Variants in TAS1R1 observed in about 807,000 individuals in gnomAD.
TAS1R1 encodes the protein taste 1 receptor member 1, also known as taste receptor type 1 member 1.
A neutral mutation model predicts 45.8 loss-of-function variants in TAS1R1; 31 were observed. The observed-to-expected ratio is 0.68, with a 90% CI of 0.51 to 0.91. The LOEUF (loss-of-function observed/expected upper bound fraction) is 0.91, where lower values mean the gene tolerates loss of function less well. TAS1R1 is among the 40% of genes least tolerant of loss of function. The pLI is 0.00. For synonymous variants in TAS1R1, 437 were observed against 448.4 expected, an observed-to-expected ratio of 0.97 and a Z score of 0.32; for missense variants, 1,051 against 1,063.9, an observed-to-expected ratio of 0.99 and a Z score of 0.17.
chr1:6,568,421 C>G (rs112013049), intron 1 of TAS1R1, among the ~76,000 whole-genome samples: 2,933 of 150,578 alleles, frequency 0.019, 35 homozygotes, highest in Non-Finnish European at 0.031. Flanking sequence ...CGCCACTGCA[C>G]TCCAGCCTGG....
At position 6,561,153 on chromosome 1, in the gene TAS1R1, T is replaced by C. The variant is rs561958273; in HGVS notation, c.191+5589T>C. On this transcript the variant is annotated intron_variant, in intron 1 of 5. Transcript: ENST00000333172. ...GATGTAGGAGGCAAGGGCCAAATGC[T>C]AAAAGGAGAAAATGGGTTATGGCAG... 2.0e-5 allele frequency among the ~76,000 whole-genome samples: 3 copies of C among 152,108 alleles called. No individual in the cohort carries two copies. The South Asian group carries it at 6.2e-4, about 32-fold the overall frequency.
intron 1 of TAS1R1, among the ~76,000 whole-genome samples, chr1:6,560,390 A>G (rs10157515): frequency 0.98 from 148,731 of 152,332 alleles, 72,702 homozygotes; most frequent in Non-Finnish European, 1. Context: ...AGAGGAGGCA[A>G]CAGCCCAGGC....
In TAS1R1 at chr1:6,555,866, C is replaced by CCTTTTTTT. The variant is rs1553185410; in HGVS notation, c.191+302_191+303insCTTTTTTT. Reference sequence around the variant, plus strand: ...AAGCAAGGGCAGCTTTTTCCCTCTTCTTTTTTTTTTTTTTTTTTTTTTTGA... The same window carrying CCTTTTTTT: ...AAGCAAGGGCAGCTTTTTCCCTCTTCCTTTTTTTTTTTTTTTTTTTTTTTTTTTTTTGA... On this transcript the variant is annotated intron_variant, in intron 1 of 5. Transcript: ENST00000333172. Among the ~76,000 whole-genome samples the CCTTTTTTT allele has an allele frequency of 2.1e-3, 202 of 95,320 alleles. 13 individuals are homozygous for CCTTTTTTT. Among genetic ancestry groups the CCTTTTTTT allele is most frequent in the East Asian group, 0.011 (32 of 2,854 alleles). 62.5% of individuals were successfully genotyped at this position (95,320 alleles called of 152,430 possible).
chr1:6,562,151 A>G (rs1231548245), intron 1 of TAS1R1, among the ~76,000 whole-genome samples: 1 of 152,010 alleles, frequency 6.6e-6, no homozygotes, highest in Non-Finnish European at 1.5e-5. Flanking sequence ...GTCTAGACAC[A>G]CTCCAAAGGC....
At chr1:6,564,437 C>T (rs964611460) in intron 1 of TAS1R1, among the ~76,000 whole-genome samples, 18 of 152,190 alleles carry the variant, frequency 1.2e-4, no homozygotes, top group Non-Finnish European at 1.9e-4. Context: ...GGCGTCCATA[C>T]GTTAACTCAA....
intron 2 of TAS1R1, among the ~76,000 whole-genome samples, 175 bp downstream of exon 2, chr1:6,571,390 T>C (rs1163011695): frequency 6.6e-6 from 1 of 152,204 alleles, no homozygotes; most frequent in African/African-American, 2.4e-5. Context: ...TGCCCCAGCC[T>C]TCCTCTCTTT....
At chr1:6,576,381 T>C in intron 3 of TAS1R1, 34 bp from the exon 4 acceptor site, 3 of 1,609,858 alleles carry the variant, frequency 1.9e-6, no homozygotes, top group Non-Finnish European at 2.6e-6. Flanking sequence ...GTCTGTGCTG[T>C]CTGTGGTGGC....
rs149867094 is a variant in TAS1R1 at position 6,573,811 on chromosome 1, C to T, written c.499-820C>T. On this transcript the variant is annotated intron_variant, in intron 2 of 5. Transcript: ENST00000333172. ...CCGTGTAGCTGGGACTACAGGCGCGCGCCACCATGCCCGGCTAATTTTTTT... is the reference window on the plus strand; with the variant it reads ...CCGTGTAGCTGGGACTACAGGCGCGTGCCACCATGCCCGGCTAATTTTTTT... 9.1e-3 allele frequency among the ~76,000 whole-genome samples: 1,384 copies of T among 151,892 alleles called. 17 individuals are homozygous for T. Among genetic ancestry groups the T allele is most frequent in the African/African-American group, 0.031 (1,274 of 41,428 alleles).
At chr1:6,568,840 T>C (rs1205414245) in intron 1 of TAS1R1, among the ~76,000 whole-genome samples, 4 of 152,122 alleles carry the variant, frequency 2.6e-5, no homozygotes, top group Non-Finnish European at 5.9e-5. Context: ...GAGAGGATAA[T>C]GTAGAGATCA....
chr1:6,559,007 T>A (rs1298968463), intron 1 of TAS1R1, among the ~76,000 whole-genome samples: 1 of 150,178 alleles, frequency 6.7e-6, no homozygotes, highest in Non-Finnish European at 1.5e-5. Context: ...TTCTCCTGCC[T>A]CAGCCTCCGG....
intron 1 of TAS1R1, among the ~76,000 whole-genome samples, chr1:6,556,785 C>T (rs900349868): frequency 2.6e-5 from 4 of 151,680 alleles, no homozygotes; most frequent in East Asian, 4.0e-4. Context: ...CTGAGACAGG[C>T]GGATCACGAG....
chr1:6,576,643 C>T lies in TAS1R1; in HGVS notation c.1473+16C>T, dbSNP rs200951242. On this transcript the variant is annotated intron_variant, in intron 4 of 5. Coordinates refer to ENST00000333172, the MANE Select transcript of TAS1R1 (RefSeq NM_138697.4). ...GGACAACCAGGTAATGGGGATGTGG[C>T]TACTCACCATGTAACTGGCTTATGG... is the stretch of plus-strand genomic sequence containing the variant. 1 of 1,610,402 alleles carries T rather than the reference C, an allele frequency of 6.2e-7. No homozygotes were observed.
In TAS1R1 at chr1:6,574,525, G is replaced by A. The variant is rs922129829; in HGVS notation, c.499-106G>A. The A allele has an allele frequency of 2.2e-6, 3 of 1,365,156 alleles. No individual in the cohort carries two copies. The Admixed American group carries it at 8.0e-5, about 36-fold the overall frequency. The allele number at this position is 1,365,156 out of a possible 1,614,324, so 84.6% of individuals were successfully genotyped here. A position where few individuals can be genotyped will look rare whatever the true frequency, so the allele number is the denominator to read the frequency against. On this transcript the variant is annotated intron_variant, in intron 2 of 5. Transcript: ENST00000333172. This position sits in a 1 kb window ranked among gnomAD's most constrained non-coding sequence, Gnocchi z 4.3. ...TTGTCAGTTTCACAGGCTGAGGGGT[G>A]CTCTCCTGGTCTCCCCGGCTCCCTG...
At chr1:6,563,344 C>T (rs562016571) in intron 1 of TAS1R1, among the ~76,000 whole-genome samples, 5 of 152,194 alleles carry the variant, frequency 3.3e-5, no homozygotes, top group South Asian at 2.1e-4. Flanking sequence ...AAAGTCAGAC[C>T]GGTGCCGGCG....
intron 1 of TAS1R1, among the ~76,000 whole-genome samples, chr1:6,561,714 C>CA (rs33969940): frequency 0.75 from 103,371 of 137,668 alleles, 39,755 homozygotes; most frequent in Non-Finnish European, 0.84. Flanking sequence ...GTTTCCGTCT[C>CA]AAAAAAAAAA....
Position 6,571,121 on chromosome 1 carries a change from A to T in TAS1R1, c.404A>T (p.His135Leu). Residue 135 changes from histidine (H) to leucine (L), a missense_variant, in exon 2 of 6, where the codon CAC (histidine) becomes CTC (leucine). By Grantham distance (99) the His-to-Leu change is moderately conservative. Transcript: ENST00000333172. The part of the protein sequence containing the change: ...HHIELQGDLL[H>L]YSPTVLAVIG... ...ATAGAGCTCCAAGGAGACCTTCTCCACTATTCCCCTACGGTGCTGGCAGTG... is the reference window on the plus strand; with the variant it reads ...ATAGAGCTCCAAGGAGACCTTCTCCTCTATTCCCCTACGGTGCTGGCAGTG... 9 of 1,613,832 alleles carry T rather than the reference A, an allele frequency of 5.6e-6. No homozygotes were observed. The highest frequency in any genetic ancestry group is 7.6e-6 in the Non-Finnish European group (9 of 1,179,832).
At chr1:6,555,849 G>A (rs945945267) in intron 1 of TAS1R1, among the ~76,000 whole-genome samples, 20 of 138,104 alleles carry the variant, frequency 1.4e-4, no homozygotes, top group Non-Finnish European at 2.7e-4. Context: ...CTAAGCAAGG[G>A]CAGCTTTTTC....
In TAS1R1 at chr1:6,579,739, T is replaced by A; in HGVS notation, c.*155T>A. 1.9e-6 allele frequency: 2 copies of A among 1,028,796 alleles called. No individual in the cohort carries two copies. The highest frequency in any genetic ancestry group is 2.7e-6 in the Non-Finnish European group (2 of 728,992). 63.7% of individuals were successfully genotyped at this position (1,028,796 alleles called of 1,614,324 possible). On this transcript the variant is annotated 3_prime_UTR_variant, in exon 6 of 6. Coordinates refer to ENST00000333172, the MANE Select transcript of TAS1R1 (RefSeq NM_138697.4). ...CCTAGACCAGGCTCCGGGCTGCCAA[T>A]AAAGAAGTGAAATGCGTATCTGGTC... is the stretch of plus-strand genomic sequence containing the variant.
intron 1 of TAS1R1, among the ~76,000 whole-genome samples, chr1:6,567,651 G>A (rs1373346918): frequency 2.6e-5 from 4 of 152,192 alleles, no homozygotes; most frequent in Admixed American, 2.0e-4. Flanking sequence ...TGGCAGTTGG[G>A]GCCTGGGGCC....
Sources: gnomAD v4.1 joint callset for allele counts (sites outside exome capture counted in the v4.1 genomes callset) on GRCh38, gnomAD v4.1.1 for gene constraint, Gnocchi (gnomAD v3.1) non-coding constraint, MANE v1.5 for transcripts, NCBI Gene and HGNC (gene_info 2026-07-23, HGNC 2026-07-21) for gene names.